The following NSL1 variants were observed in gnomAD, a reference collection of about 807,000 sequenced individuals.
NSL1 encodes the protein NSL1 component of MIS12 kinetochore complex, also known as kinetochore-associated protein NSL1 homolog.
Under a neutral mutation model 25.4 loss-of-function variants are expected in NSL1, and 11 were observed. The ratio of observed to expected loss-of-function variants is 0.43; its 90% confidence interval spans 0.27 to 0.72. The LOEUF (loss-of-function observed/expected upper bound fraction) is 0.72. Ranked by LOEUF, NSL1 falls within the 30% of genes least tolerant of loss-of-function variation. The pLI is 0.19. For missense variants in NSL1, 330 were observed against 342.7 expected, an observed-to-expected ratio of 0.96 and a Z score of 0.29; for synonymous variants, 118 against 120.6, an observed-to-expected ratio of 0.98 and a Z score of 0.14.
Position 212,791,687 on chromosome 1 carries a change from G to A in NSL1, c.77C>T (p.Ala26Val), listed in dbSNP as rs748248676. 2 of 1,613,960 alleles carry A rather than the reference G, an allele frequency of 1.2e-6. No homozygotes were observed. Among genetic ancestry groups the A allele is most frequent in the Admixed American group, 1.7e-5 (1 of 60,028 alleles). ...KELAAGTESQ[A>V]LVSATPREDF... ...TTCTCGGGGAGTGGCGGAGACCAAG[G>A]CCTGGCTCTCTGTGCCAGCCGCGAG... Residue 26 changes from alanine to valine, a missense_variant, in exon 1 of 6, where the codon GCC (alanine) becomes GTC (valine). Ala to Val is a moderately conservative substitution (Grantham distance 64). Transcript: ENST00000366977.
At chr1:212,777,903 T>C (rs1336471365) in intron 4 of NSL1, among the ~76,000 whole-genome samples, 1 of 152,242 alleles carries the variant, frequency 6.6e-6, no homozygotes, top group Non-Finnish European at 1.5e-5. Flanking sequence ...ATAATCACAC[T>C]GCCCTATGTA....
intron 1 of NSL1, among the ~76,000 whole-genome samples, chr1:212,789,619 A>G (rs995992137): frequency 1.1e-4 from 16 of 152,260 alleles, no homozygotes; most frequent in African/African-American, 3.9e-4. Flanking sequence ...GTTTTTAAAG[A>G]AAATCTGCTA....
Position 212,731,863 on chromosome 1 carries a change from C to T in NSL1, c.*6545G>A. 1 of 985,378 alleles carries T rather than the reference C, an allele frequency of 1.0e-6. No individual in the cohort carries two copies. Among genetic ancestry groups the T allele is most frequent in the Non-Finnish European group, 1.2e-6 (1 of 829,902 alleles). 61.0% of individuals were successfully genotyped at this position (985,378 alleles called of 1,614,324 possible). A position where few individuals can be genotyped will look rare whatever the true frequency, so the allele number is the denominator to read the frequency against. On this transcript the variant is annotated 3_prime_UTR_variant, in exon 6 of 6. Transcript: ENST00000366977. Reference sequence around the variant, plus strand: ...CACTATCCCTGCCACTCTGGCTGCTCCAGCTCCATGTCCTGGGACACCCTA... The same window carrying T: ...CACTATCCCTGCCACTCTGGCTGCTTCAGCTCCATGTCCTGGGACACCCTA...
chr1:212,738,471 AGTTTGC>A lies in NSL1; in HGVS notation c.777_782del (p.Lys259_Thr261delinsAsn). 1 of 1,614,014 alleles carries A rather than the reference AGTTTGC, an allele frequency of 6.2e-7. No individual in the cohort carries two copies. The highest frequency in any genetic ancestry group is 8.5e-7 in the Non-Finnish European group (1 of 1,179,976). On this transcript the variant is annotated inframe_deletion, in exon 6 of 6. Coordinates refer to ENST00000366977, the MANE Select transcript of NSL1 (RefSeq NM_015471.4). The stretch of plus-strand genomic sequence containing the variant: ...ACCATTTTCTCTGGGGGCAGTCTTT[AGTTTGC>A]TTTCTTTTCAGTACCATGTCAGAGG...
At chr1:212,766,517 C>T (rs769862890) in intron 4 of NSL1, among the ~76,000 whole-genome samples, 4 of 151,202 alleles carry the variant, frequency 2.6e-5, no homozygotes, top group South Asian at 2.1e-4. Context: ...TGGTGGCAGG[C>T]GCCTGTAGTC....
At chr1:212,771,888 A>G (rs1031195763) in intron 4 of NSL1, among the ~76,000 whole-genome samples, 2 of 152,186 alleles carry the variant, frequency 1.3e-5, no homozygotes, top group Admixed American at 6.5e-5. Flanking sequence ...CTGTGTCCCC[A>G]CCCAAATCTC....
At position 212,735,886 on chromosome 1, in the gene NSL1, T is replaced by G; in HGVS notation, c.*2522A>C. 5.5e-4 allele frequency: 500 copies of G among 915,176 alleles called. No individual in the cohort carries two copies. Among genetic ancestry groups the G allele is most frequent in the Non-Finnish European group, 6.0e-4 (460 of 766,016 alleles). The allele number at this position is 915,176 out of a possible 1,614,324, so 56.7% of individuals were successfully genotyped here. A position where few individuals can be genotyped will look rare whatever the true frequency, so the allele number is the denominator to read the frequency against. Reference sequence around the variant, plus strand: ...CATGGACTTCTAGCCTCCAGAACTGTGAGAAGTAAGTATCTGTTGTTTAAG... The same window carrying G: ...CATGGACTTCTAGCCTCCAGAACTGGGAGAAGTAAGTATCTGTTGTTTAAG... On this transcript the variant is annotated 3_prime_UTR_variant, in exon 6 of 6. Transcript: ENST00000366977.
At chr1:212,788,928 A>G (rs1013815191) in intron 1 of NSL1, among the ~76,000 whole-genome samples, 1 of 152,218 alleles carries the variant, frequency 6.6e-6, no homozygotes, top group Admixed American at 6.5e-5. Context: ...ACATAAACAG[A>G]GAGAAAGAGG....
At chr1:212,785,225 C>A (rs1660893566) in intron 2 of NSL1, among the ~76,000 whole-genome samples, 1 of 152,160 alleles carries the variant, frequency 6.6e-6, no homozygotes, top group African/African-American at 2.4e-5. Flanking sequence ...CTGAAAGATA[C>A]AGTGAGTTTA....
At chr1:212,790,273 C>G (rs1661140510) in intron 1 of NSL1, among the ~76,000 whole-genome samples, 1 of 152,080 alleles carries the variant, frequency 6.6e-6, no homozygotes, top group Non-Finnish European at 1.5e-5. Flanking sequence ...GTGATCCGCC[C>G]GCCTCGGCCT....
At position 212,727,618 on chromosome 1, in the gene NSL1, A is replaced by G; in HGVS notation, c.*10790T>C. 1.0e-6 allele frequency: 1 copy of G among 985,370 alleles called. No individual in the cohort carries two copies. The highest frequency in any genetic ancestry group is 1.2e-6 in the Non-Finnish European group (1 of 829,882). 61.0% of individuals were successfully genotyped at this position (985,370 alleles called of 1,614,324 possible). A position where few individuals can be genotyped will look rare whatever the true frequency, so the allele number is the denominator to read the frequency against. On this transcript the variant is annotated 3_prime_UTR_variant, in exon 6 of 6. Transcript: ENST00000366977. ...CTGGAAGTTGTTTTGTAACCTTCTAAAATTCACACGTCACAAATTCAGAAT... is the reference window on the plus strand; with the variant it reads ...CTGGAAGTTGTTTTGTAACCTTCTAGAATTCACACGTCACAAATTCAGAAT...
chr1:212,750,663 G>A (rs1302331576), intron 4 of NSL1, among the ~76,000 whole-genome samples: 3 of 152,210 alleles, frequency 2.0e-5, no homozygotes, highest in Non-Finnish European at 2.9e-5. Context: ...AAATAGGCCA[G>A]GTATGGTGAG....
chr1:212,752,179 G>A (rs1189965837), intron 4 of NSL1, among the ~76,000 whole-genome samples: 1 of 152,120 alleles, frequency 6.6e-6, no homozygotes. Context: ...CATCATAAAT[G>A]TATAGTATTT....
Position 212,760,936 on chromosome 1 carries a change from T to G in NSL1, c.500-21335A>C, listed in dbSNP as rs1187146373. Among the ~76,000 whole-genome samples the G allele has an allele frequency of 6.6e-6, 1 of 152,146 alleles. No individual in the cohort carries two copies. Among genetic ancestry groups the G allele is most frequent in the Non-Finnish European group, 1.5e-5 (1 of 68,020 alleles). On this transcript the variant is annotated intron_variant, in intron 4 of 5. Coordinates refer to ENST00000366977, the MANE Select transcript of NSL1 (RefSeq NM_015471.4). The surrounding 1 kb of genome is among the most constrained non-coding windows in gnomAD (Gnocchi z 4.3). ...TCCCAAGTAAAGACCTATCATACCC[T>G]CTAGTACCAACCATAGCGTAAGTCA...
In NSL1 at chr1:212,727,944, G is replaced by A. The variant is rs1302138574; in HGVS notation, c.*10464C>T. 3.0e-6 allele frequency: 3 copies of A among 985,324 alleles called. No individual in the cohort carries two copies. The highest frequency in any genetic ancestry group is 6.1e-5 in the Admixed American group (1 of 16,270). 61.0% of individuals were successfully genotyped at this position (985,324 alleles called of 1,614,324 possible). A position where few individuals can be genotyped will look rare whatever the true frequency, so the allele number is the denominator to read the frequency against. On this transcript the variant is annotated 3_prime_UTR_variant, in exon 6 of 6. Transcript: ENST00000366977. ...CGAGGTCGCTGTGGTGTAGCGGTGA[G>A]AGCGTCTGAGACTCTGGACAAGGCC...
chr1:212,770,473 A>AAAAC (rs375676381), intron 4 of NSL1, among the ~76,000 whole-genome samples: 28 of 151,748 alleles, frequency 1.8e-4, no homozygotes, highest in Admixed American at 5.2e-4. Flanking sequence ...AACCAGGAAA[A>AAAAC]AAACAAACAA....
chr1:212,754,785 A>AAAAAAAAAAAAAAAAAAAG (rs1553252344), intron 4 of NSL1, among the ~76,000 whole-genome samples: 1 of 149,500 alleles, frequency 6.7e-6, no homozygotes, highest in Non-Finnish European at 1.5e-5. Context: ...AAAAAAAAAA[A>AAAAAAAAAAAAAAAAAAAG]CCAACTCAAA....
At chr1:212,743,660 C>A (rs1658613052) in intron 4 of NSL1, among the ~76,000 whole-genome samples, 1 of 152,000 alleles carries the variant, frequency 6.6e-6, no homozygotes, top group Non-Finnish European at 1.5e-5. Flanking sequence ...ATAGGAGATT[C>A]CAAAGGCCCA....
At position 212,730,936 on chromosome 1, in the gene NSL1, A is replaced by G. The variant is rs1657987935; in HGVS notation, c.*7472T>C. 5.1e-6 allele frequency: 5 copies of G among 985,328 alleles called. No homozygotes were observed. The highest frequency in any genetic ancestry group is 4.7e-5 in the South Asian group (1 of 21,294). 61.0% of individuals were successfully genotyped at this position (985,328 alleles called of 1,614,324 possible). On this transcript the variant is annotated 3_prime_UTR_variant, in exon 6 of 6. Transcript: ENST00000366977. ...GAAACCGACAAGTTAGAAATTTGCA[A>G]TATGAACTCATTCATTCAACGAATA...
Sources: gnomAD v4.1 joint callset for allele counts (sites outside exome capture counted in the v4.1 genomes callset) on GRCh38, gnomAD v4.1.1 for gene constraint, Gnocchi (gnomAD v3.1) non-coding constraint, MANE v1.5 for transcripts, NCBI Gene and HGNC (gene_info 2026-07-23, HGNC 2026-07-21) for gene names.